RP1: variants seen among roughly 807,000 people sequenced by gnomAD.
RP1 encodes the protein oxygen-regulated protein 1.
Under a neutral mutation model 14.8 loss-of-function variants are expected in RP1, and 16 were observed. The observed-to-expected ratio is 1.08, with a 90% confidence interval of 0.73 to 1.65. The LOEUF (loss-of-function observed/expected upper bound fraction) is 1.65. Among genes scored for constraint, RP1 ranks in the 40% most tolerant of loss-of-function variants. RP1 has a pLI of 0.00. For synonymous variants in RP1, 876 were observed against 883.6 expected (o/e 0.99, Z 0.15); for missense variants, 2,631 against 2,535.0 (o/e 1.04, Z -0.81).
intron 24 of RP1, among the ~76,000 whole-genome samples, chr8:54,785,602 T>G (rs1810298219): frequency 6.6e-6 from 1 of 152,094 alleles, no homozygotes; most frequent in Non-Finnish European, 1.5e-5. Context: ...TTTGAGGAAC[T>G]GCCAAACTGT....
chr8:54,789,415 C>T (rs1810407824), intron 24 of RP1, among the ~76,000 whole-genome samples: 1 of 152,146 alleles, frequency 6.6e-6, no homozygotes, highest in Non-Finnish European at 1.5e-5. Context: ...ATCTTGCAGC[C>T]CTGCCTGATC....
intron 1 of RP1, among the ~76,000 whole-genome samples, chr8:54,601,762 A>G (rs1362970834): frequency 6.6e-6 from 1 of 152,208 alleles, no homozygotes; most frequent in Non-Finnish European, 1.5e-5. Flanking sequence ...TAAGGAATAA[A>G]GTACTAATAT....
chr8:54,844,772 T>C (rs1811874703), intron 25 of RP1, among the ~76,000 whole-genome samples: 1 of 152,194 alleles, frequency 6.6e-6, no homozygotes, highest in Non-Finnish European at 1.5e-5. Context: ...TCTTATGTGA[T>C]CCTATAGTTG....
At chr8:54,846,509 T>C (rs1479385170) in intron 25 of RP1, among the ~76,000 whole-genome samples, 1 of 152,246 alleles carries the variant, frequency 6.6e-6, no homozygotes, top group Non-Finnish European at 1.5e-5. Flanking sequence ...CTCATCAAAC[T>C]ATATCTTAAA....
intron 24 of RP1, among the ~76,000 whole-genome samples, chr8:54,790,482 AGTT>A (rs1810436624): frequency 6.6e-6 from 1 of 152,044 alleles, no homozygotes; most frequent in Non-Finnish European, 1.5e-5. Flanking sequence ...AAGCTCCAGT[AGTT>A]GATCCTAGAG....
intron 1 of RP1, among the ~76,000 whole-genome samples, chr8:54,584,922 AC>A (rs1804884699): frequency 6.6e-6 from 1 of 152,164 alleles, no homozygotes; most frequent in East Asian, 1.9e-4. Context: ...TTTCCTGAAT[AC>A]AGCAAACTGA....
exon 28 of RP1, chr8:54,865,895 A>G: frequency 8.1e-7 from 1 of 1,227,468 alleles, no homozygotes; most frequent in Non-Finnish European, 1.0e-6. Flanking sequence ...AGCAGTGAAG[A>G]GGTGCTGTTT....
At chr8:54,767,412 T>C (rs1249793943) in intron 22 of RP1, among the ~76,000 whole-genome samples, 1 of 150,782 alleles carries the variant, frequency 6.6e-6, no homozygotes, top group African/African-American at 2.4e-5. Context: ...CAGGCTGGAG[T>C]TCAGTGGAGC....
At chr8:54,813,469 G>A (rs78313610) in intron 24 of RP1, among the ~76,000 whole-genome samples, 249 of 152,346 alleles carry the variant, frequency 1.6e-3, no homozygotes, top group African/African-American at 5.8e-3. Flanking sequence ...AGAAATAGGA[G>A]AGTAGTTGAA....
rs184698127 is a variant in RP1 at position 54,835,023 on chromosome 8, A to G, written c.3616-2427A>G. Among the ~76,000 whole-genome samples, 10 of 152,280 alleles carry G rather than the reference A, an allele frequency of 6.6e-5. No homozygotes were observed. The East Asian group carries it at 1.7e-3, about 26-fold the overall frequency. ...CTTAAGTTTTAAAAATAACTTATTT[A>G]CCATTTATTGAAAAAATACTACAGT... On this transcript the variant is annotated intron_variant, in intron 24 of 28. Coordinates refer to the RP1 transcript ENST00000637698.
intron 1 of RP1, among the ~76,000 whole-genome samples, chr8:54,570,861 A>G (rs1417427830): frequency 6.6e-6 from 1 of 152,162 alleles, no homozygotes; most frequent in Non-Finnish European, 1.5e-5. Context: ...AGTCTTAAAT[A>G]TATCTTTGAA....
chr8:54,704,047 G>A (rs893295575), intron 14 of RP1, among the ~76,000 whole-genome samples: 4 of 152,152 alleles, frequency 2.6e-5, no homozygotes, highest in African/African-American at 7.2e-5. Flanking sequence ...TCAGCAATAA[G>A]GCTGTTTAAG....
chr8:54,579,864 C>T (rs566088981), intron 1 of RP1, among the ~76,000 whole-genome samples: 1 of 152,340 alleles, frequency 6.6e-6, no homozygotes, highest in East Asian at 1.9e-4. Context: ...ACACGGGTAA[C>T]TGCAATGTTC....
At chr8:54,797,725 G>A (rs570691054) in intron 24 of RP1, among the ~76,000 whole-genome samples, 17 of 152,090 alleles carry the variant, frequency 1.1e-4, no homozygotes, top group East Asian at 1.9e-4. Context: ...AGAAAACTTC[G>A]TGTCTTTTCA....
chr8:54,679,149 G>A (rs914370499), intron 9 of RP1, among the ~76,000 whole-genome samples: 5 of 152,142 alleles, frequency 3.3e-5, no homozygotes, highest in Non-Finnish European at 4.4e-5. Flanking sequence ...GACTTTGACA[G>A]TTAGCAGGCT....
chr8:54,833,867 A>C (rs1444804388), intron 24 of RP1, among the ~76,000 whole-genome samples: 1 of 152,072 alleles, frequency 6.6e-6, no homozygotes, highest in Admixed American at 6.6e-5. Context: ...ACATCATCAA[A>C]ACTTTGCAAA....
chr8:54,766,693 T>G (rs902895052), intron 22 of RP1, among the ~76,000 whole-genome samples: 2 of 152,162 alleles, frequency 1.3e-5, no homozygotes, highest in Non-Finnish European at 2.9e-5. Context: ...CAAAACACCC[T>G]ATATGTTTTA....
chr8:54,676,000 A>T (rs967432263), intron 8 of RP1, among the ~76,000 whole-genome samples: 1 of 152,044 alleles, frequency 6.6e-6, no homozygotes, highest in African/African-American at 2.4e-5. Flanking sequence ...TGGAAGGGCA[A>T]AAAGGCCTCG....
chr8:54,645,725 C>T (rs1414742681), intron 3 of RP1, among the ~76,000 whole-genome samples: 1 of 152,024 alleles, frequency 6.6e-6, no homozygotes, highest in African/African-American at 2.4e-5. Flanking sequence ...GGGAACTATT[C>T]CAAATGGTTT....
Sources: gnomAD v4.1 joint callset for allele counts (sites outside exome capture counted in the v4.1 genomes callset) on GRCh38, gnomAD v4.1.1 for gene constraint, MANE v1.5 for transcripts, NCBI Gene and HGNC (gene_info 2026-07-23, HGNC 2026-07-21) for gene names.